Variants in LAMA3 observed in about 807,000 individuals in gnomAD.
LAMA3 encodes laminin subunit alpha 3, also known as laminin subunit alpha-3.
In LAMA3, 281 loss-of-function variants were observed where a neutral mutation model predicts 402.0. The ratio of observed to expected loss-of-function variants is 0.70; its 90% CI spans 0.63 to 0.77. LAMA3 has a LOEUF of 0.77. LAMA3 is among the 30% of genes least tolerant of loss of function. LAMA3 has a pLI of 0.00. For missense variants in LAMA3, 3,840 were observed against 4,215.5 expected (o/e 0.91, Z 2.47); for synonymous variants, 1,431 against 1,558.4 (o/e 0.92, Z 1.93).
chr18:23,896,191 C>A (rs2080867712), intron 44 of LAMA3, among the ~76,000 whole-genome samples: 1 of 152,058 alleles, frequency 6.6e-6, no homozygotes, highest in Admixed American at 6.6e-5. Flanking sequence ...CAAAAATTAG[C>A]CAGGCATGAT....
chr18:23,924,589 G>A (rs1439179204), intron 62 of LAMA3, among the ~76,000 whole-genome samples: 10 of 147,108 alleles, frequency 6.8e-5, no homozygotes, highest in African/African-American at 2.5e-4. Context: ...TTGTTGCCCA[G>A]GCTGGAATGC....
intron 41 of LAMA3, 61 bp downstream of exon 41, chr18:23,884,914 G>C (rs2065021675): frequency 1.6e-6 from 2 of 1,286,036 alleles, no homozygotes; most frequent in Non-Finnish European, 1.1e-6. Context: ...TGTGGGTGGG[G>C]CTGCCAGGTG....
intron 48 of LAMA3, among the ~76,000 whole-genome samples, chr18:23,901,743 ATCTGCTT>A (rs1479404167): frequency 6.6e-6 from 1 of 152,254 alleles, no homozygotes; most frequent in Non-Finnish European, 1.5e-5. Flanking sequence ...TTAAGCCATA[ATCTGCTT>A]TATAGGAAAT....
intron 1 of LAMA3, among the ~76,000 whole-genome samples, chr18:23,703,125 A>G (rs2060821750): frequency 6.6e-6 from 1 of 152,192 alleles, no homozygotes; most frequent in South Asian, 2.1e-4. Context: ...CCCAGACTGC[A>G]GTGGGCAGAA....
intron 68 of LAMA3, among the ~76,000 whole-genome samples, chr18:23,942,308 G>A (rs139199749): frequency 4.6e-5 from 7 of 152,202 alleles, no homozygotes; most frequent in Admixed American, 4.6e-4. Flanking sequence ...ACAGCCTGTT[G>A]ACATCTGCAT....
intron 29 of LAMA3, 73 bp downstream of exon 29, chr18:23,842,823 T>C (rs2063734612): frequency 6.3e-7 from 1 of 1,577,998 alleles, no homozygotes. Flanking sequence ...TCTGTTTAGC[T>C]CATGGAAATA....
intron 12 of LAMA3, among the ~76,000 whole-genome samples, chr18:23,800,428 A>G (rs560988401): frequency 1.3e-5 from 2 of 152,340 alleles, no homozygotes; most frequent in African/African-American, 4.8e-5. Context: ...ATAATTGTAC[A>G]TATTTATGGG....
At chr18:23,868,889 C>A (rs568330886) in intron 37 of LAMA3, among the ~76,000 whole-genome samples, 1 of 152,284 alleles carries the variant, frequency 6.6e-6, no homozygotes, top group African/African-American at 2.4e-5. Flanking sequence ...TTAAATATGA[C>A]CAGTACCTCT....
rs759311541 is a variant in LAMA3, at chr18:23,827,472, G to C, written c.2823+5G>C. On this transcript the variant is annotated splice_donor_5th_base_variant and intron_variant, in intron 23 of 74. Transcript: ENST00000313654. The stretch of plus-strand genomic sequence containing the variant: ...GTGGACCTCAGCGGGAGAGAGGTGG[G>C]CCAGCCTTTTATTTATTATCAAAGT... The C allele has an allele frequency of 8.7e-6, 14 of 1,613,696 alleles. No homozygotes were observed. Among genetic ancestry groups the C allele is most frequent in the Non-Finnish European group, 1.2e-5 (14 of 1,179,990 alleles).
At chr18:23,952,173 G>T (rs769668554) in intron 73 of LAMA3, among the ~76,000 whole-genome samples, 2 of 152,110 alleles carry the variant, frequency 1.3e-5, no homozygotes, top group South Asian at 2.1e-4. Context: ...CTTTACCTTC[G>T]GTTTCCTCTT....
At chr18:23,878,110 A>G (rs1025739044) in intron 39 of LAMA3, among the ~76,000 whole-genome samples, 1 of 152,196 alleles carries the variant, frequency 6.6e-6, no homozygotes, top group African/African-American at 2.4e-5. Context: ...TGTCTAAAAA[A>G]CAAAACAAAA....
At chr18:23,872,048 C>G (rs1209872275) in intron 38 of LAMA3, among the ~76,000 whole-genome samples, 1 of 152,184 alleles carries the variant, frequency 6.6e-6, no homozygotes, top group African/African-American at 2.4e-5. Context: ...GTATGTGTCA[C>G]AACATCACTA....
intron 21 of LAMA3, among the ~76,000 whole-genome samples, chr18:23,826,475 A>G (rs1360042080): frequency 6.6e-6 from 1 of 152,224 alleles, no homozygotes; most frequent in Non-Finnish European, 1.5e-5. Context: ...CTTGAAGAAT[A>G]AAACTGTTCA....
chr18:23,757,488 T>C (rs1186335771), intron 6 of LAMA3, among the ~76,000 whole-genome samples: 1 of 81,746 alleles, frequency 1.2e-5, no homozygotes, highest in African/African-American at 4.7e-5. Context: ...CCACCCTCAC[T>C]GCCACTAGAC....
chr18:23,898,163 A>T (rs866418256), intron 44 of LAMA3: 3 of 154,550 alleles, frequency 1.9e-5, no homozygotes, highest in Non-Finnish European at 4.3e-5. Flanking sequence ...AATTTAGCCT[A>T]AAAAAAGGGC....
chr18:23,884,220 G>GA (rs999060646), intron 40 of LAMA3, among the ~76,000 whole-genome samples: 5 of 151,724 alleles, frequency 3.3e-5, no homozygotes, highest in African/African-American at 4.8e-5. Flanking sequence ...AACTTGGTTT[G>GA]AAAAAAAAGT....
At chr18:23,700,394 T>G (rs557393358) in intron 1 of LAMA3, among the ~76,000 whole-genome samples, 2 of 151,876 alleles carry the variant, frequency 1.3e-5, no homozygotes, top group African/African-American at 2.4e-5. Flanking sequence ...CGTTGAAAAA[T>G]TGGGCTTTAA....
At chr18:23,691,392 G>A (rs1749860998) in intron 1 of LAMA3, among the ~76,000 whole-genome samples, 1 of 151,850 alleles carries the variant, frequency 6.6e-6, no homozygotes, top group Non-Finnish European at 1.5e-5. Context: ...TATAAAACAT[G>A]CAAGAAAAGA....
intron 39 of LAMA3, among the ~76,000 whole-genome samples, chr18:23,877,530 A>G (rs1274530428): frequency 6.6e-6 from 1 of 152,134 alleles, no homozygotes; most frequent in African/African-American, 2.4e-5. Flanking sequence ...TTTTCTTTGT[A>G]TTGTGTAATG....
Sources: allele counts gnomAD v4.1 joint callset (sites outside exome capture counted in the v4.1 genomes callset), GRCh38; gene constraint gnomAD v4.1.1; transcripts MANE v1.5; gene names NCBI Gene and HGNC (gene_info 2026-07-23, HGNC 2026-07-21).